SPEF2: variants seen among roughly 807,000 people sequenced by gnomAD.
SPEF2 encodes the protein sperm flagella and cilia-associated protein 2.
Under a neutral mutation model 224.6 loss-of-function variants are expected in SPEF2, and 187 were observed. The ratio of observed to expected loss-of-function variants is 0.83; its 90% CI spans 0.74 to 0.94. The LOEUF (loss-of-function observed/expected upper bound fraction) is 0.94, where lower values mean the gene tolerates loss of function less well. SPEF2 is among the 40% of genes least tolerant of loss of function. SPEF2 has a pLI of 0.00. For missense variants in SPEF2, 2,170 were observed against 2,135.6 expected, an observed-to-expected ratio of 1.02 and a Z score of -0.32; for synonymous variants, 715 against 707.3, an observed-to-expected ratio of 1.01 and a Z score of -0.17.
intron 23 of SPEF2, among the ~76,000 whole-genome samples, chr5:35,741,618 T>G (rs1295030082): frequency 1.3e-5 from 2 of 151,904 alleles, no homozygotes; most frequent in African/African-American, 2.4e-5. Context: ...TGCAGTAGAG[T>G]AAAAACAGCA....
At chr5:35,750,070 C>A (rs1399335101) in intron 23 of SPEF2, among the ~76,000 whole-genome samples, 2 of 152,126 alleles carry the variant, frequency 1.3e-5, no homozygotes, top group Non-Finnish European at 2.9e-5. Flanking sequence ...GCCAACTGAT[C>A]TTTGACAAAG....
chr5:35,643,327 T>C (rs6889781), intron 3 of SPEF2, among the ~76,000 whole-genome samples: 2,378 of 152,178 alleles, frequency 0.016, 60 homozygotes, highest in African/African-American at 0.054. Flanking sequence ...AGCTTACATA[T>C]TGGGGAGAGA....
chr5:35,730,919 C>T (rs1018053736), intron 21 of SPEF2, among the ~76,000 whole-genome samples: 1 of 152,066 alleles, frequency 6.6e-6, no homozygotes, highest in Non-Finnish European at 1.5e-5. Context: ...CTAATGTGAT[C>T]CCAGGGCATT....
At chr5:35,782,239 T>A (rs1323924119) in intron 30 of SPEF2, among the ~76,000 whole-genome samples, 1 of 152,174 alleles carries the variant, frequency 6.6e-6, no homozygotes, top group Non-Finnish European at 1.5e-5. Flanking sequence ...ACAATCTTAG[T>A]GAGTGATAGC....
intron 13 of SPEF2, among the ~76,000 whole-genome samples, chr5:35,694,942 T>C (rs148334403): frequency 3.5e-4 from 53 of 152,318 alleles, no homozygotes; most frequent in African/African-American, 1.2e-3. Flanking sequence ...ATTTTAAGTA[T>C]TAAATATTTT....
Position 35,700,572 on chromosome 5 carries a change from G to A in SPEF2, c.2218G>A (p.Ala740Thr). The A allele has an allele frequency of 1.2e-6, 2 of 1,613,834 alleles. No individual in the cohort carries two copies. Among genetic ancestry groups the A allele is most frequent in the East Asian group, 4.5e-5 (2 of 44,844 alleles). The change falls in exon 16 of 37, where the codon GCT becomes ACT. Residue 740 changes from alanine to threonine, a missense_variant. Coordinates refer to ENST00000356031, the MANE Select transcript of SPEF2 (RefSeq NM_024867.4). ...TLNQAQLLEE[A>T]LTGCNRNLTE... Reference sequence around the variant, plus strand: ...AAACCAAGCACAGCTTCTGGAAGAAGCTCTTACAGGCTGCAATAGAAACCT... The same window carrying A: ...AAACCAAGCACAGCTTCTGGAAGAAACTCTTACAGGCTGCAATAGAAACCT...
intron 30 of SPEF2, chr5:35,790,119 A>G: frequency 1.4e-6 from 1 of 702,952 alleles, no homozygotes; most frequent in East Asian, 2.7e-5. Context: ...CCTAGTGTTG[A>G]CCCTTCCTGC....
chr5:35,759,377 A>G (rs1224062839), intron 24 of SPEF2, among the ~76,000 whole-genome samples, 191 bp from the exon 25 acceptor site: 1 of 152,208 alleles, frequency 6.6e-6, no homozygotes, highest in East Asian at 1.9e-4. Flanking sequence ...AGAGAATGCA[A>G]AGTCACTAGT....
Position 35,705,757 on chromosome 5 carries a change from GA to G in SPEF2, c.2619del (p.Val874Ter). 1 of 1,541,528 alleles carries G rather than the reference GA, an allele frequency of 6.5e-7. No homozygotes were observed. The highest frequency in any genetic ancestry group is 8.8e-7 in the Non-Finnish European group (1 of 1,137,034). Reference protein sequence around the residue: ...NAEIDKESLCEKVKEILTTEI... With the variant: ...NAEIDKESLCXKVKEILTTEI... ...TGAAATAGATAAGGAATCTTTATGT[GA>G]AAAAGTAAAAGAAATTCTTACGACT... On this transcript the variant is annotated frameshift_variant, in exon 18 of 37. Coordinates refer to ENST00000356031, the MANE Select transcript of SPEF2 (RefSeq NM_024867.4). LOFTEE classifies it high-confidence loss of function.
chr5:35,799,001 C>T (rs1485179738), intron 33 of SPEF2, among the ~76,000 whole-genome samples: 2 of 152,144 alleles, frequency 1.3e-5, no homozygotes, highest in Non-Finnish European at 2.9e-5. Flanking sequence ...TAAACCTGTT[C>T]ATAGTTGTAA....
chr5:35,764,545 C>A, intron 26 of SPEF2: 1 of 456,088 alleles, frequency 2.2e-6, no homozygotes, highest in Non-Finnish European at 4.4e-6. Context: ...CTGCCAGGTC[C>A]TGGGTCTACC....
In SPEF2 at chr5:35,666,421, C is replaced by T. The variant is rs73080261; in HGVS notation, c.1168-651C>T. Among the ~76,000 whole-genome samples the T allele has an allele frequency of 2.6e-3, 395 of 152,184 alleles. 4 individuals carry two copies. The highest frequency in any genetic ancestry group is 9.1e-3 in the African/African-American group (377 of 41,492). ...AAATAATAATGCACTAAGGAGAGGG[C>T]GATAACAAGCTAAGTGTTTCATTGC... On this transcript the variant is annotated intron_variant, in intron 8 of 36. Transcript: ENST00000356031.
At chr5:35,727,555 A>C (rs1744876624) in intron 20 of SPEF2, 120 bp from the exon 21 acceptor site, 2 of 781,936 alleles carry the variant, frequency 2.6e-6, no homozygotes, top group Admixed American at 3.2e-5. Context: ...CTCCTCAAAA[A>C]AGCTTAAAAA....
intron 24 of SPEF2, among the ~76,000 whole-genome samples, chr5:35,758,229 C>CAA (rs898177495): frequency 6.6e-5 from 10 of 151,998 alleles, no homozygotes; most frequent in Admixed American, 5.9e-4. Context: ...TTTCTTTTTA[C>CAA]AAAGATGCTT....
chr5:35,741,874 C>T (rs560273466), intron 23 of SPEF2, among the ~76,000 whole-genome samples: 3 of 152,264 alleles, frequency 2.0e-5, no homozygotes, highest in African/African-American at 7.2e-5. Context: ...CTGTATACTT[C>T]TTCCTCCATG....
intron 2 of SPEF2, among the ~76,000 whole-genome samples, chr5:35,629,323 T>G (rs2149372409): frequency 6.6e-6 from 1 of 151,852 alleles, no homozygotes. Context: ...TGGCTAATTT[T>G]TTTTCTATTT....
chr5:35,719,421 G>C lies in SPEF2; in HGVS notation c.2914+6535G>C, dbSNP rs140500470. Among the ~76,000 whole-genome samples the C allele has an allele frequency of 5.4e-3, 826 of 152,268 alleles. 1 individual carries two copies. Among genetic ancestry groups the C allele is most frequent in the Non-Finnish European group, 8.9e-3 (607 of 68,022 alleles). ...CTTGGCCTGATTATTTGCATAAAGTGCAGCAAGAATAATTATTTCTGTGTA... is the reference window on the plus strand; with the variant it reads ...CTTGGCCTGATTATTTGCATAAAGTCCAGCAAGAATAATTATTTCTGTGTA... On this transcript the variant is annotated intron_variant, in intron 20 of 36. Transcript: ENST00000356031.
At chr5:35,767,561 C>T (rs1171597990) in intron 26 of SPEF2, among the ~76,000 whole-genome samples, 1 of 151,682 alleles carries the variant, frequency 6.6e-6, no homozygotes, top group African/African-American at 2.4e-5. Context: ...TATTTCCAAG[C>T]TAACATGGGG....
At chr5:35,671,131 A>G in intron 10 of SPEF2, 4 of 985,412 alleles carry the variant, frequency 4.1e-6, no homozygotes, top group Non-Finnish European at 4.8e-6. Flanking sequence ...TAAGTGCAAC[A>G]TGAAAAAAAT....
Sources: allele counts gnomAD v4.1 joint callset (sites outside exome capture counted in the v4.1 genomes callset), GRCh38; gene constraint gnomAD v4.1.1; transcripts MANE v1.5; gene names NCBI Gene and HGNC (gene_info 2026-07-23, HGNC 2026-07-21).